Variants in CEP112 observed in about 807,000 individuals in gnomAD.
CEP112 encodes centrosomal protein 112.
In CEP112, 127 loss-of-function variants were observed where a neutral mutation model predicts 153.0. The ratio of observed to expected loss-of-function variants is 0.83; its 90% CI spans 0.72 to 0.96. The LOEUF (loss-of-function observed/expected upper bound fraction) is 0.96. Among genes scored for constraint, CEP112 ranks in the 40% least tolerant of loss-of-function variants. The pLI is 0.00. For missense variants in CEP112, 1,089 were observed against 1,101.2 expected (o/e 0.99, Z 0.16); for synonymous variants, 358 against 374.4 (o/e 0.96, Z 0.51).
chr17:65,897,049 T>C (rs1198838115), intron 20 of CEP112, among the ~76,000 whole-genome samples: 1 of 152,062 alleles, frequency 6.6e-6, no homozygotes, highest in African/African-American at 2.4e-5. Context: ...AATAACTCAG[T>C]CCATCAGGGG....
At chr17:65,696,350 C>A (rs953926606) in intron 23 of CEP112, among the ~76,000 whole-genome samples, 4 of 152,128 alleles carry the variant, frequency 2.6e-5, no homozygotes, top group Non-Finnish European at 4.4e-5. Context: ...TGGATCTTGT[C>A]CTTGGTTCTG....
intron 8 of CEP112, among the ~76,000 whole-genome samples, chr17:66,076,590 C>T (rs2067507989): frequency 6.6e-6 from 1 of 152,130 alleles, no homozygotes; most frequent in Non-Finnish European, 1.5e-5. Flanking sequence ...CATGCCTAGC[C>T]CTGCCCCCAC....
intron 21 of CEP112, among the ~76,000 whole-genome samples, chr17:65,818,317 A>G (rs150616938): frequency 2.0e-5 from 3 of 152,054 alleles, no homozygotes; most frequent in African/African-American, 7.2e-5. Flanking sequence ...TTGTTAAAAT[A>G]ACAAAGCCCT....
At chr17:65,688,893 A>G (rs1399234789) in intron 24 of CEP112, 2 of 338,162 alleles carry the variant, frequency 5.9e-6, no homozygotes, top group Non-Finnish European at 1.1e-5. Flanking sequence ...TCAGCCTCCC[A>G]AGTAACTGGG....
At chr17:65,997,539 C>T (rs541544367) in intron 17 of CEP112, among the ~76,000 whole-genome samples, 1 of 152,158 alleles carries the variant, frequency 6.6e-6, no homozygotes, top group Non-Finnish European at 1.5e-5. Context: ...CTTGAGGAAT[C>T]CTCAGACACG....
chr17:65,720,035 C>T (rs1254829710), intron 23 of CEP112, among the ~76,000 whole-genome samples: 1 of 152,058 alleles, frequency 6.6e-6, no homozygotes, highest in Non-Finnish European at 1.5e-5. Flanking sequence ...AGAGGATTAG[C>T]CAAGCTGAGG....
intron 21 of CEP112, among the ~76,000 whole-genome samples, chr17:65,778,039 G>A (rs2053784978): frequency 6.6e-6 from 1 of 152,042 alleles, no homozygotes; most frequent in Non-Finnish European, 1.5e-5. Context: ...CATCTCTAAT[G>A]TGCCCTGGAC....
At chr17:66,024,718 TGCACAAA>T (rs2065131020) in intron 16 of CEP112, among the ~76,000 whole-genome samples, 1 of 152,162 alleles carries the variant, frequency 6.6e-6, no homozygotes, top group Non-Finnish European at 1.5e-5. Context: ...ATGACCATAC[TGCACAAA>T]GCAATCTAAG....
chr17:65,690,725 GATGGTA>G (rs1293310957), intron 23 of CEP112, among the ~76,000 whole-genome samples: 2 of 152,206 alleles, frequency 1.3e-5, no homozygotes, highest in African/African-American at 2.4e-5. Context: ...ATGACTCCGA[GATGGTA>G]TGTTTGTGGA....
intron 19 of CEP112, among the ~76,000 whole-genome samples, chr17:65,924,111 G>A (rs942285997): frequency 6.6e-6 from 1 of 151,912 alleles, no homozygotes; most frequent in African/African-American, 2.4e-5. Context: ...CGAGTAGCTG[G>A]GACCACAGGC....
At chr17:65,740,183 A>C (rs532068534) in intron 23 of CEP112, among the ~76,000 whole-genome samples, 3 of 152,310 alleles carry the variant, frequency 2.0e-5, no homozygotes, top group African/African-American at 7.2e-5. Context: ...TATGCTCTCC[A>C]ACGTCATTTC....
At chr17:65,814,248 A>C (rs967857308) in intron 21 of CEP112, among the ~76,000 whole-genome samples, 1 of 152,214 alleles carries the variant, frequency 6.6e-6, no homozygotes. Flanking sequence ...TCACCAAAGA[A>C]GAAGCGTATG....
At chr17:66,079,087 A>G (rs2067614780) in intron 8 of CEP112, among the ~76,000 whole-genome samples, 1 of 152,174 alleles carries the variant, frequency 6.6e-6, no homozygotes, top group Non-Finnish European at 1.5e-5. Flanking sequence ...AAGAATGGCT[A>G]TTACTAAAAG....
At chr17:65,909,575 A>G (rs1224284053) in intron 19 of CEP112, among the ~76,000 whole-genome samples, 1 of 152,252 alleles carries the variant, frequency 6.6e-6, no homozygotes, top group Non-Finnish European at 1.5e-5. Context: ...GAGAATAACC[A>G]TATTCCAAGA....
intron 23 of CEP112, among the ~76,000 whole-genome samples, chr17:65,715,420 G>C (rs1347111290): frequency 4.6e-5 from 7 of 152,026 alleles, no homozygotes; most frequent in Non-Finnish European, 7.4e-5. Context: ...GAAGAGAAAA[G>C]AAGAGGCAGC....
intron 12 of CEP112, among the ~76,000 whole-genome samples, chr17:66,038,930 A>G (rs2065858132): frequency 1.3e-5 from 2 of 152,340 alleles, no homozygotes; most frequent in Middle Eastern, 3.4e-3. Context: ...TGGAAGAGTC[A>G]GGAATGAGGC....
At chr17:65,874,338 C>T (rs1360457681) in intron 20 of CEP112, among the ~76,000 whole-genome samples, 1 of 152,102 alleles carries the variant, frequency 6.6e-6, no homozygotes, top group Non-Finnish European at 1.5e-5. Flanking sequence ...AAATTATTTA[C>T]AGAGGCTTAG....
intron 18 of CEP112, among the ~76,000 whole-genome samples, chr17:65,937,531 CTCT>C (rs2061362849): frequency 7.3e-6 from 1 of 137,788 alleles, no homozygotes. Flanking sequence ...TGAGGAGCCC[CTCT>C]GCCCGGCCAG....
At chr17:66,034,774 G>A (rs2065640251) in intron 12 of CEP112, among the ~76,000 whole-genome samples, 1 of 151,588 alleles carries the variant, frequency 6.6e-6, no homozygotes, top group Admixed American at 6.6e-5. Context: ...AAGTAACAGT[G>A]ATAAAGTGAA....
Sources: gnomAD v4.1 joint callset for allele counts (sites outside exome capture counted in the v4.1 genomes callset) on GRCh38, gnomAD v4.1.1 for gene constraint, MANE v1.5 for transcripts, NCBI Gene and HGNC (gene_info 2026-07-23, HGNC 2026-07-21) for gene names.